TEAD2: variants seen among roughly 807,000 people sequenced by gnomAD.
TEAD2 encodes TEA domain transcription factor 2, also known as transcriptional enhancer factor TEF-4.
In TEAD2, 51 loss-of-function variants were observed where a neutral mutation model predicts 61.4. That is an observed-to-expected ratio of 0.83 (90% CI 0.66 to 1.05). The LOEUF is 1.05. TEAD2 is among the 50% of genes least tolerant of loss of function. The pLI, the probability that TEAD2 is intolerant of heterozygous loss-of-function variation, is 0.00. For missense variants in TEAD2, 509 were observed against 600.0 expected (o/e 0.85, Z 1.58); for synonymous variants, 244 against 243.2 (o/e 1.00, Z -0.03).
rs568692724 is a variant in TEAD2, at chr19:49,347,216, G to C, written c.895C>G (p.His299Asp). 2.5e-6 allele frequency: 4 copies of C among 1,613,286 alleles called. No individual in the cohort carries two copies. The highest frequency in any genetic ancestry group is 1.3e-5 in the African/African-American group (1 of 74,838). Residue 299 changes from histidine (H) to aspartate (D), a missense_variant, in exon 10 of 13, where the codon CAT (histidine) becomes GAT (aspartate). Coordinates refer to ENST00000593945, the MANE Select transcript of TEAD2 (RefSeq NM_001256660.2). ...LRELYDRGPP[H>D]AFFLVKFWAD... ...CAGAACTTGACCAGGAAGAAGGCATGGGGGGGGCCACGATCATATAGCTCT... is the reference window on the plus strand; with the variant it reads ...CAGAACTTGACCAGGAAGAAGGCATCGGGGGGGCCACGATCATATAGCTCT...
intron 8 of TEAD2, among the ~76,000 whole-genome samples, chr19:49,349,727 G>A (rs949201834): frequency 2.6e-5 from 4 of 152,120 alleles, no homozygotes; most frequent in African/African-American, 9.7e-5. Context: ...AGAAGCATAG[G>A]CTGGCAACAT....
chr19:49,347,556 C>T, intron 9 of TEAD2, 193 bp from the exon 10 acceptor site: 1 of 611,364 alleles, frequency 1.6e-6, no homozygotes. Context: ...TGCAGCCCTG[C>T]AGTCCTACAG....
At chr19:49,358,782 A>G (rs1248193718) in intron 3 of TEAD2, among the ~76,000 whole-genome samples, 1 of 151,326 alleles carries the variant, frequency 6.6e-6, no homozygotes. Context: ...ATGGGCACAC[A>G]CTGCCACTCC....
intron 9 of TEAD2, 63 bp downstream of exon 9, chr19:49,348,640 T>G: frequency 7.0e-7 from 1 of 1,419,036 alleles, no homozygotes; most frequent in Non-Finnish European, 1.0e-6. Context: ...ACTTTATACA[T>G]TCCCTTCCTG....
chr19:49,346,564 G>A (rs1265230996), intron 10 of TEAD2, among the ~76,000 whole-genome samples: 1 of 152,134 alleles, frequency 6.6e-6, no homozygotes, highest in Non-Finnish European at 1.5e-5. Flanking sequence ...GGCTGAGGCA[G>A]GAGAATCGCT....
intron 3 of TEAD2, 65 bp from the exon 4 acceptor site, chr19:49,357,379 C>T: frequency 6.5e-7 from 1 of 1,532,102 alleles, no homozygotes; most frequent in Admixed American, 1.7e-5. Context: ...ACTACCCCTT[C>T]TCTCCCTCCA....
chr19:49,356,023 G>A (rs1158343691), intron 4 of TEAD2, 53 bp from the exon 5 acceptor site: 12 of 1,239,744 alleles, frequency 9.7e-6, no homozygotes, highest in East Asian at 9.4e-5. Flanking sequence ...ACATGACTTA[G>A]GAAGTACGGC....
chr19:49,342,994 C>T (rs1416088993), intron 11 of TEAD2, among the ~76,000 whole-genome samples: 1 of 152,104 alleles, frequency 6.6e-6, no homozygotes, highest in Non-Finnish European at 1.5e-5. Context: ...ATCCATAAGA[C>T]CCTTCTCAAT....
intron 12 of TEAD2, 64 bp downstream of exon 12, chr19:49,342,374 G>T: frequency 6.4e-7 from 1 of 1,571,068 alleles, no homozygotes; most frequent in South Asian, 1.1e-5. Context: ...TAGACTGAGG[G>T]TCTGTTATAG....
Position 49,359,822 on chromosome 19 carries a change from C to T in TEAD2, c.232+22G>A. On this transcript the variant is annotated intron_variant, in intron 2 of 12. Transcript: ENST00000593945. This position sits in a 1 kb window ranked among gnomAD's most constrained non-coding sequence, Gnocchi z 4.1. Reference sequence around the variant, plus strand: ...CATTATTCATCAGTGGGGGCCAGGGCAAAAGACAGAAGTAGACTCACCATA... The same window carrying T: ...CATTATTCATCAGTGGGGGCCAGGGTAAAAGACAGAAGTAGACTCACCATA... 1 of 1,609,582 alleles carries T rather than the reference C, an allele frequency of 6.2e-7. No individual in the cohort carries two copies.
chr19:49,355,407 TG>T lies in TEAD2; in HGVS notation c.384del (p.Lys129ArgfsTer53), dbSNP rs1168357259. 1.2e-6 allele frequency: 2 copies of T among 1,613,890 alleles called. No individual in the cohort carries two copies. The highest frequency in any genetic ancestry group is 2.7e-5 in the African/African-American group (2 of 74,858). On this transcript the variant is annotated frameshift_variant, in exon 6 of 13. Transcript: ENST00000593945. LOFTEE classifies it high-confidence loss of function. ...KLKALNVDQV[S>X]KDKAFQTMAT... is the part of the protein sequence containing the mutation. ...GCCATTGTCTGGAAAGCCTTGTCCTTGGAAACCTGGTCCTGGAGGAGGAGGC... is the reference window on the plus strand; with the variant it reads ...GCCATTGTCTGGAAAGCCTTGTCCTTGAAACCTGGTCCTGGAGGAGGAGGC...
In TEAD2 at chr19:49,355,170, C is replaced by T. The variant is rs1288081424; in HGVS notation, c.517G>A (p.Gly173Arg). Reference protein sequence around the residue: ...ELFQFWSGGSGPPWNVPDVKP... With the variant: ...ELFQFWSGGSRPPWNVPDVKP... ...CACTCTGGAACATTCCAGGGGGGCC[C>T]AGATCCTCCAGACCAAAACTGGAAA... is the stretch of plus-strand genomic sequence containing the variant. Residue 173 changes from glycine (G) to arginine (R), a missense_variant, in exon 7 of 13, where the codon GGG (glycine) becomes AGG (arginine). Transcript: ENST00000593945. 6.2e-7 allele frequency: 1 copy of T among 1,611,318 alleles called. No individual in the cohort carries two copies. The highest frequency in any genetic ancestry group is 8.5e-7 in the Non-Finnish European group (1 of 1,178,636).
At position 49,355,175 on chromosome 19, in the gene TEAD2, C is replaced by A. The variant is rs1205777089; in HGVS notation, c.512G>T (p.Gly171Val). ...ASELFQFWSGGSGPPWNVPDV... is the reference protein window; with the variant it reads ...ASELFQFWSGVSGPPWNVPDV... The stretch of plus-strand genomic sequence containing the variant: ...TGGAACATTCCAGGGGGGCCCAGAT[C>A]CTCCAGACCAAAACTGGAAAAGCTC... The change falls in exon 7 of 13, where the codon GGA (glycine) becomes GTA (valine). Residue 171 changes from glycine to valine, a missense_variant. By Grantham distance (109) the Gly-to-Val change is moderately radical (BLOSUM62 -3). Transcript: ENST00000593945. 1 of 1,611,812 alleles carries A rather than the reference C, an allele frequency of 6.2e-7. No homozygotes were observed. The highest frequency in any genetic ancestry group is 1.1e-5 in the South Asian group (1 of 90,710).
chr19:49,360,166 C>T, intron 1 of TEAD2, 85 bp from the exon 2 acceptor site: 1 of 1,136,214 alleles, frequency 8.8e-7, no homozygotes, highest in Non-Finnish European at 1.2e-6. Flanking sequence ...CTCTGGACCA[C>T]TGGGTCTGAG....
intron 10 of TEAD2, among the ~76,000 whole-genome samples, chr19:49,343,625 G>A (rs1971442295): frequency 6.6e-6 from 1 of 151,898 alleles, no homozygotes; most frequent in Admixed American, 6.6e-5. Context: ...TGTAATCCCA[G>A]CTACTGGGAC....
rs376122396 is a variant in TEAD2 at position 49,351,333 on chromosome 19, A to G, written c.572T>C (p.Leu191Ser). The change falls in exon 8 of 13, where the codon TTG becomes TCG. Residue 191 changes from leucine (L) to serine (S), a missense_variant. Leu to Ser is a moderately radical substitution (Grantham distance 145). Transcript: ENST00000593945. ...VKPFSQTPFT[L>S]SLTPPSTDLP... ...GTCAGTAGATGGGGGAGTCAGTGAC[A>G]AGGTGAACGGTGTCTGTGAGAATGG... The G allele has an allele frequency of 5.6e-6, 9 of 1,612,536 alleles. No homozygotes were observed. The highest frequency in any genetic ancestry group is 6.8e-6 in the Non-Finnish European group (8 of 1,179,536).
intron 8 of TEAD2, among the ~76,000 whole-genome samples, chr19:49,350,244 C>T (rs912303285): frequency 2.6e-5 from 4 of 152,220 alleles, no homozygotes; most frequent in East Asian, 1.9e-4. Flanking sequence ...GATCCAGCCA[C>T]GCCTGAGGCC....
At chr19:49,357,165 CCTGGGTCTCTGTCCCTCTCTTT>C in intron 4 of TEAD2, 65 bp downstream of exon 4, 1 of 1,357,764 alleles carries the variant, frequency 7.4e-7, no homozygotes, top group South Asian at 1.2e-5. Flanking sequence ...TCCCCCTCTC[CCTGGGTCTCTGTCCCTCTCTTT>C]CTGGGTCTCG....
At chr19:49,357,464 A>G (rs1972484135) in intron 3 of TEAD2, 150 bp from the exon 4 acceptor site, 8 of 803,128 alleles carry the variant, frequency 1.0e-5, no homozygotes, top group African/African-American at 1.7e-5. Context: ...GGAGCACCCG[A>G]ACACAGATGT....
Sources: gnomAD v4.1 joint callset for allele counts (sites outside exome capture counted in the v4.1 genomes callset) on GRCh38, gnomAD v4.1.1 for gene constraint, Gnocchi (gnomAD v3.1) non-coding constraint, MANE v1.5 for transcripts, NCBI Gene and HGNC (gene_info 2026-07-23, HGNC 2026-07-21) for gene names.